The following NTPCR variants were observed in gnomAD, a reference collection of about 807,000 sequenced individuals.
NTPCR encodes the protein nucleoside-triphosphatase, cancer-related.
Under a neutral mutation model 19.5 loss-of-function variants are expected in NTPCR, and 15 were observed. The ratio of observed to expected loss-of-function variants is 0.77; its 90% CI spans 0.51 to 1.18. The LOEUF (loss-of-function observed/expected upper bound fraction) is 1.18. NTPCR is among the 50% of genes most tolerant of loss of function. The pLI is 0.00. For missense variants in NTPCR, 206 were observed against 240.4 expected (o/e 0.86, Z 0.95); for synonymous variants, 90 against 95.8 (o/e 0.94, Z 0.36).
At chr1:232,951,681 T>C (rs1668369074) in intron 1 of NTPCR, among the ~76,000 whole-genome samples, 1 of 152,192 alleles carries the variant, frequency 6.6e-6, no homozygotes, top group Non-Finnish European at 1.5e-5. Flanking sequence ...TCACTTTATT[T>C]TAATGATTAT....
chr1:232,976,421 G>T (rs780194417), intron 4 of NTPCR: 98 of 1,550,498 alleles, frequency 6.3e-5, no homozygotes, highest in Non-Finnish European at 3.7e-5. Flanking sequence ...CCTGGCTGGA[G>T]GCAGAAGCTA....
rs1166310215 is a variant in NTPCR, at chr1:232,982,538, G to T, written c.*4307G>T. The T allele has an allele frequency of 1.3e-5, 2 of 152,266 alleles. No homozygotes were observed. The highest frequency in any genetic ancestry group is 2.9e-5 in the Non-Finnish European group (2 of 68,066). 9.4% of individuals were successfully genotyped at this position (152,266 alleles called of 1,614,324 possible). On this transcript the variant is annotated 3_prime_UTR_variant, in exon 5 of 5. Transcript: ENST00000366628. Reference sequence around the variant, plus strand: ...CGTGAACTGTGATAAGCAATGAACAGAATAACTGTTGAAGAAGCACCTCAT... The same window carrying T: ...CGTGAACTGTGATAAGCAATGAACATAATAACTGTTGAAGAAGCACCTCAT...
Position 232,983,229 on chromosome 1 carries a change from G to A in NTPCR, c.*4998G>A, listed in dbSNP as rs1477791223. ...AATTGAGTATTTCCTTCTAACTATT[G>A]TCTTTTGAAAAGGGATGGTTCACCA... is the stretch of plus-strand genomic sequence containing the variant. On this transcript the variant is annotated 3_prime_UTR_variant, in exon 5 of 5. Coordinates refer to ENST00000366628, the MANE Select transcript of NTPCR (RefSeq NM_032324.3). The A allele has an allele frequency of 6.6e-6, 1 of 152,026 alleles. No homozygotes were observed. The highest frequency in any genetic ancestry group is 2.4e-5 in the African/African-American group (1 of 41,378). The allele number at this position is 152,026 out of a possible 1,614,324, so 9.4% of individuals were successfully genotyped here.
At chr1:232,961,324 C>G (rs1007186904) in intron 3 of NTPCR, among the ~76,000 whole-genome samples, 1 of 152,216 alleles carries the variant, frequency 6.6e-6, no homozygotes, top group Non-Finnish European at 1.5e-5. Flanking sequence ...TGTGAACCTT[C>G]AAGGTCTTGA....
chr1:232,958,241 C>T (rs1193412407), intron 3 of NTPCR, among the ~76,000 whole-genome samples: 1 of 152,214 alleles, frequency 6.6e-6, no homozygotes, highest in Non-Finnish European at 1.5e-5. Flanking sequence ...AAAGTCCTTC[C>T]AGTGGCCTAG....
chr1:232,981,047 CGGA>C lies in NTPCR; in HGVS notation c.*2817_*2819del. The C allele has an allele frequency of 6.6e-6, 1 of 152,130 alleles. No individual in the cohort carries two copies. The highest frequency in any genetic ancestry group is 2.4e-5 in the African/African-American group (1 of 41,428). 9.4% of individuals were successfully genotyped at this position (152,130 alleles called of 1,614,324 possible). A position where few individuals can be genotyped will look rare whatever the true frequency, so the allele number is the denominator to read the frequency against. ...AGAATCTCAGCTAGAATAACAAGGT[CGGA>C]TGGGAGGAATCAGGACTGATTTGAA... On this transcript the variant is annotated 3_prime_UTR_variant, in exon 5 of 5. Transcript: ENST00000366628.
chr1:232,959,845 A>T (rs1027107791), intron 3 of NTPCR, among the ~76,000 whole-genome samples: 1 of 152,016 alleles, frequency 6.6e-6, no homozygotes, highest in Non-Finnish European at 1.5e-5. Flanking sequence ...TTAATACTAC[A>T]AAAAAATAAG....
At chr1:232,971,777 C>T (rs1013561911) in intron 4 of NTPCR, among the ~76,000 whole-genome samples, 15 of 152,240 alleles carry the variant, frequency 9.9e-5, no homozygotes, top group African/African-American at 3.4e-4. Context: ...GTAGCAAGGG[C>T]GATCAGGGAA....
intron 4 of NTPCR, chr1:232,976,260 T>G (rs1336107492): frequency 2.4e-5 from 34 of 1,404,138 alleles, no homozygotes; most frequent in Non-Finnish European, 3.0e-5. Flanking sequence ...CACTTTAAAT[T>G]ATCATTTTTG....
rs1327813251 is a variant in NTPCR at position 232,982,965 on chromosome 1, TTAAA to T, written c.*4739_*4742del. The T allele has an allele frequency of 1.3e-5, 2 of 152,204 alleles. No homozygotes were observed. Among genetic ancestry groups the T allele is most frequent in the Non-Finnish European group, 2.9e-5 (2 of 68,034 alleles). 9.4% of individuals were successfully genotyped at this position (152,204 alleles called of 1,614,324 possible). On this transcript the variant is annotated 3_prime_UTR_variant, in exon 5 of 5. Transcript: ENST00000366628. ...CATTAGACAAACAACTGCATTTAAA[TTAAA>T]TAAAGTTTGCACCTCTAGGGAGTGC...
At chr1:232,955,337 T>G (rs930622986) in intron 1 of NTPCR, among the ~76,000 whole-genome samples, 9 of 152,200 alleles carry the variant, frequency 5.9e-5, no homozygotes, top group African/African-American at 2.2e-4. Flanking sequence ...CAAGATATCA[T>G]TCGTGTTTTT....
intron 4 of NTPCR, among the ~76,000 whole-genome samples, chr1:232,971,376 G>A (rs6665073): frequency 0.51 from 76,965 of 151,912 alleles, 20,939 homozygotes; most frequent in African/African-American, 0.72. Context: ...ATCACTGAGT[G>A]AAATGTCACC....
At chr1:232,960,550 G>C (rs1393612012) in intron 3 of NTPCR, among the ~76,000 whole-genome samples, 2 of 151,956 alleles carry the variant, frequency 1.3e-5, no homozygotes, top group African/African-American at 4.8e-5. Flanking sequence ...CACCATCATG[G>C]TCAGGCTGGT....
At chr1:232,968,808 T>A (rs1668893877) in intron 3 of NTPCR, 1 of 152,220 alleles carries the variant, frequency 6.6e-6, no homozygotes, top group African/African-American at 2.4e-5. Flanking sequence ...TTCAAAATAA[T>A]CATGTATACA....
intron 3 of NTPCR, chr1:232,968,560 G>A (rs1668885081): frequency 6.6e-6 from 1 of 152,152 alleles, no homozygotes; most frequent in Non-Finnish European, 1.5e-5. Context: ...TCCCACCTCT[G>A]TGTGTGCCTT....
intron 3 of NTPCR, among the ~76,000 whole-genome samples, chr1:232,961,719 C>CT (rs958800939): frequency 5.3e-5 from 8 of 152,012 alleles, no homozygotes; most frequent in Non-Finnish European, 7.4e-5. Context: ...CTTCTGCATG[C>CT]TTTTTTTAAA....
At chr1:232,952,602 C>G (rs920103351) in intron 1 of NTPCR, among the ~76,000 whole-genome samples, 1 of 152,112 alleles carries the variant, frequency 6.6e-6, no homozygotes, top group South Asian at 2.1e-4. Flanking sequence ...CCTCCACCTT[C>G]CAGGCTCAAA....
Position 232,952,052 on chromosome 1 carries a change from C to G in NTPCR, c.34+1308C>G, listed in dbSNP as rs191217235. On this transcript the variant is annotated intron_variant, in intron 1 of 4. Coordinates refer to ENST00000366628, the MANE Select transcript of NTPCR (RefSeq NM_032324.3). ...AGACTCAAATAATTCTACAGTGTAG[C>G]TCTCTTAAACCTGTCCTCAAACCCA... Among the ~76,000 whole-genome samples, 853 of 152,036 alleles carry G rather than the reference C, an allele frequency of 5.6e-3. 4 individuals carry two copies. Among genetic ancestry groups the G allele is most frequent in the Non-Finnish European group, 9.7e-3 (657 of 67,936 alleles).
chr1:232,976,349 A>G (rs41303307), intron 4 of NTPCR: 67,161 of 1,541,166 alleles, frequency 0.044, 1,882 homozygotes, highest in Middle Eastern at 0.15. Context: ...TAGTCACCGT[A>G]CTGTGTCATA....
Sources: gnomAD v4.1 joint callset for allele counts (sites outside exome capture counted in the v4.1 genomes callset) on GRCh38, gnomAD v4.1.1 for gene constraint, MANE v1.5 for transcripts, NCBI Gene and HGNC (gene_info 2026-07-23, HGNC 2026-07-21) for gene names.